EFCAB5: variants seen among roughly 807,000 people sequenced by gnomAD.
EFCAB5 encodes the protein EF-hand calcium binding domain 5.
In EFCAB5, 131 loss-of-function variants were observed where a neutral mutation model predicts 167.9. The ratio of observed to expected loss-of-function variants is 0.78; its 90% CI spans 0.68 to 0.90. The LOEUF (loss-of-function observed/expected upper bound fraction) is 0.90. Among genes scored for constraint, EFCAB5 ranks in the 40% least tolerant of loss-of-function variants. The probability of loss-of-function intolerance (pLI) is 0.00; values close to 1 mark genes in which losing one functional copy is unlikely to be tolerated. For missense variants in EFCAB5, 1,663 were observed against 1,745.2 expected, an observed-to-expected ratio of 0.95 and a Z score of 0.84; for synonymous variants, 574 against 602.8, an observed-to-expected ratio of 0.95 and a Z score of 0.70.
intron 4 of EFCAB5, among the ~76,000 whole-genome samples, chr17:29,973,978 TG>T (rs1375735816): frequency 6.6e-6 from 1 of 150,704 alleles, no homozygotes; most frequent in Non-Finnish European, 1.5e-5. Flanking sequence ...GCCAACATGG[TG>T]AAACCCTGTC....
In EFCAB5 at chr17:30,090,565, G is replaced by A. The variant is rs2071176260; in HGVS notation, c.3828G>A (p.Leu1276=). 1.2e-6 allele frequency: 2 copies of A among 1,613,862 alleles called. No individual in the cohort carries two copies. The highest frequency in any genetic ancestry group is 3.3e-5 in the Admixed American group (2 of 59,994). Reference sequence around the variant, plus strand: ...TTAACATCGGCCAAAATAGGATGTTGTTGTGTCAAGAATATAAAGATCTAC... The same window carrying A: ...TTAACATCGGCCAAAATAGGATGTTATTGTGTCAAGAATATAAAGATCTAC... ...LDFNIGQNRM[L]LCQEYKDLQK... The change falls in exon 20 of 23, where the codon TTG becomes TTA. Residue 1276 remains leucine, a synonymous_variant. Transcript: ENST00000394835.
chr17:29,937,976 T>G (rs1273852532), upstream of EFCAB5, among the ~76,000 whole-genome samples: 1 of 152,182 alleles, frequency 6.6e-6, no homozygotes, highest in Non-Finnish European at 1.5e-5. Context: ...TGGAAAAGAC[T>G]TAGAGGAAGA....
At chr17:29,936,224 C>T (rs1402498611) in intron 1 of EFCAB5, among the ~76,000 whole-genome samples, 2 of 152,050 alleles carry the variant, frequency 1.3e-5, no homozygotes, top group Non-Finnish European at 2.9e-5. Context: ...CCAAACACCT[C>T]ATGTTCTCAC....
At chr17:29,960,465 A>C (rs1159326863) in intron 3 of EFCAB5, among the ~76,000 whole-genome samples, 2 of 152,242 alleles carry the variant, frequency 1.3e-5, no homozygotes, top group East Asian at 3.9e-4. Context: ...TCTGGGATAC[A>C]TGTGCAGGAT....
chr17:30,079,223 C>T (rs2070932509), intron 15 of EFCAB5, among the ~76,000 whole-genome samples: 1 of 152,102 alleles, frequency 6.6e-6, no homozygotes, highest in African/African-American at 2.4e-5. Flanking sequence ...AAATGGGGCA[C>T]CGGGACCAAA....
Position 30,107,814 on chromosome 17 carries a change from C to CTTT in EFCAB5, c.4322-13_4322-11dup. On this transcript the variant is annotated intron_variant, in intron 22 of 22. Coordinates refer to ENST00000394835, the MANE Select transcript of EFCAB5 (RefSeq NM_198529.4). ...TGCAAAACTCTCCACTCTTACTTTT[C>CTTT]TTTTTTTTTCCTGATGCAGATCATT... is the stretch of plus-strand genomic sequence containing the variant. 9.8e-7 allele frequency: 1 copy of CTTT among 1,018,202 alleles called. No homozygotes were observed. Among genetic ancestry groups the CTTT allele is most frequent in the Non-Finnish European group, 1.3e-6 (1 of 798,784 alleles). The allele number at this position is 1,018,202 out of a possible 1,614,324, so 63.1% of individuals were successfully genotyped here. A position where few individuals can be genotyped will look rare whatever the true frequency, so the allele number is the denominator to read the frequency against.
At chr17:30,049,809 A>G (rs1390504237) in intron 8 of EFCAB5, among the ~76,000 whole-genome samples, 2 of 152,250 alleles carry the variant, frequency 1.3e-5, no homozygotes, top group Non-Finnish European at 2.9e-5. Flanking sequence ...CAATTTGGCT[A>G]TAACTAATAA....
intron 7 of EFCAB5, among the ~76,000 whole-genome samples, chr17:30,030,205 T>C (rs1475979512): frequency 4.6e-5 from 7 of 152,246 alleles, no homozygotes. Flanking sequence ...TTATGCCAGC[T>C]AGCCTAAACT....
chr17:30,042,670 C>A (rs970050836), intron 8 of EFCAB5, among the ~76,000 whole-genome samples: 1 of 152,008 alleles, frequency 6.6e-6, no homozygotes, highest in Non-Finnish European at 1.5e-5. Context: ...ACAAACAAAA[C>A]CCCTGGCCCA....
chr17:30,052,356 G>A (rs1003801112), intron 9 of EFCAB5, among the ~76,000 whole-genome samples: 4 of 151,964 alleles, frequency 2.6e-5, no homozygotes, highest in East Asian at 1.9e-4. Flanking sequence ...TAGTAGAGAC[G>A]GGGTTTTGCC....
chr17:29,954,948 C>A (rs1363168168), intron 3 of EFCAB5, among the ~76,000 whole-genome samples: 1 of 152,158 alleles, frequency 6.6e-6, no homozygotes, highest in Non-Finnish European at 1.5e-5. Flanking sequence ...TTTTACTGCC[C>A]TGTTGTATTT....
intron 4 of EFCAB5, 112 bp downstream of exon 4, chr17:29,969,479 C>A (rs2067905825): frequency 1.0e-6 from 1 of 986,108 alleles, no homozygotes; most frequent in Non-Finnish European, 1.5e-6. Context: ...TACAGTTATT[C>A]AGAAAGTATT....
rs550204545 is a variant in EFCAB5 at position 30,024,016 on chromosome 17, C to T, written c.1045-10214C>T. Among the ~76,000 whole-genome samples, 404 of 152,152 alleles carry T rather than the reference C, an allele frequency of 2.7e-3. 3 individuals carry two copies. The highest frequency in any genetic ancestry group is 6.6e-3 in the Admixed American group (100 of 15,248). ...CTAAAAACTCTCAATAAATTAGGTA[C>T]TGATGGGACGTATCTGAAAATAATA... On this transcript the variant is annotated intron_variant, in intron 7 of 22. Coordinates refer to ENST00000394835, the MANE Select transcript of EFCAB5 (RefSeq NM_198529.4).
chr17:29,932,164 T>G (rs1317812232), intron 1 of EFCAB5, among the ~76,000 whole-genome samples: 1 of 151,612 alleles, frequency 6.6e-6, no homozygotes, highest in Non-Finnish European at 1.5e-5. Flanking sequence ...TTTTTTTTTT[T>G]TTTTGAGACG....
At chr17:29,957,315 T>A (rs1380745260) in intron 3 of EFCAB5, among the ~76,000 whole-genome samples, 1 of 152,180 alleles carries the variant, frequency 6.6e-6, no homozygotes, top group Non-Finnish European at 1.5e-5. Flanking sequence ...ATGAGGGATT[T>A]TTTTTTAATT....
At chr17:30,098,091 C>T (rs2071329151) in intron 22 of EFCAB5, among the ~76,000 whole-genome samples, 1 of 152,054 alleles carries the variant, frequency 6.6e-6, no homozygotes, top group African/African-American at 2.4e-5. Flanking sequence ...CGTGCCACCA[C>T]ACCCAACTAA....
chr17:30,069,025 G>A (rs918168174), intron 14 of EFCAB5: 1 of 1,399,900 alleles, frequency 7.1e-7, no homozygotes, highest in Non-Finnish European at 1.0e-6. Context: ...GCACAGGACT[G>A]CTGTTCTGGA....
At chr17:30,073,567 C>T (rs2070799397) in intron 14 of EFCAB5, 1 of 609,820 alleles carries the variant, frequency 1.6e-6, no homozygotes, top group Non-Finnish European at 3.0e-6. Context: ...CAATACATTT[C>T]TCCCTAAATA....
chr17:30,034,451 C>T, intron 8 of EFCAB5, 66 bp downstream of exon 8: 3 of 1,527,236 alleles, frequency 2.0e-6, no homozygotes, highest in Non-Finnish European at 1.8e-6. Context: ...GTAATCCCAG[C>T]ACTTTAGGAG....
Sources: allele counts gnomAD v4.1 joint callset (sites outside exome capture counted in the v4.1 genomes callset), GRCh38; gene constraint gnomAD v4.1.1; transcripts MANE v1.5; gene names NCBI Gene and HGNC (gene_info 2026-07-23, HGNC 2026-07-21).